Variants in CDHR2 observed in about 807,000 individuals in gnomAD.
CDHR2 encodes the protein cadherin related family member 2, also known as cadherin-related family member 2.
Under a neutral mutation model 138.6 loss-of-function variants are expected in CDHR2, and 104 were observed. That is an observed-to-expected ratio of 0.75 (90% confidence interval 0.64 to 0.88). The LOEUF is 0.88. Among genes scored for constraint, CDHR2 ranks in the 40% least tolerant of loss-of-function variants. The probability of loss-of-function intolerance (pLI) is 0.00; values close to 1 mark genes in which losing one functional copy is unlikely to be tolerated. For missense variants in CDHR2, 1,624 were observed against 1,727.6 expected (o/e 0.94, Z 1.06); for synonymous variants, 755 against 742.8 (o/e 1.02, Z -0.27).
chr5:176,590,272 C>T lies in CDHR2; in HGVS notation c.3295C>T (p.Leu1099Phe). The T allele has an allele frequency of 1.2e-6, 2 of 1,614,188 alleles. No individual in the cohort carries two copies. Among genetic ancestry groups the T allele is most frequent in the Middle Eastern group, 1.6e-4 (1 of 6,062 alleles). Residue 1099 changes from leucine (L) to phenylalanine (F), a missense_variant, in exon 26 of 32, where the codon CTC becomes TTC. Physicochemically the swap from Leu to Phe is conservative, Grantham distance 22. Coordinates refer to ENST00000261944, the MANE Select transcript of CDHR2 (RefSeq NM_017675.6). ...SAARARPHSY[L>F]DAYFVFPNGS... Reference sequence around the variant, plus strand: ...CTCCAGGGCCCGACCTCACTCCTACCTCGATGCCTACTTTGTCTTCCCCAA... The same window carrying T: ...CTCCAGGGCCCGACCTCACTCCTACTTCGATGCCTACTTTGTCTTCCCCAA...
chr5:176,556,023 A>G (rs1757814454), intron 1 of CDHR2, among the ~76,000 whole-genome samples: 1 of 152,118 alleles, frequency 6.6e-6, no homozygotes, highest in Non-Finnish European at 1.5e-5. Flanking sequence ...CAGATTTCTC[A>G]ACCTGCCTCC....
chr5:176,554,326 T>A (rs2113255860), intron 1 of CDHR2, among the ~76,000 whole-genome samples: 1 of 152,280 alleles, frequency 6.6e-6, no homozygotes, highest in East Asian at 1.9e-4. Context: ...GCTGTTTCCA[T>A]GGTGATTGCA....
intron 1 of CDHR2, 166 bp from the exon 2 acceptor site, chr5:176,565,172 C>A: frequency 1.6e-6 from 1 of 607,802 alleles, no homozygotes; most frequent in Non-Finnish European, 3.0e-6. Context: ...CCTTGGTTCC[C>A]CTGACCCTAG....
intron 31 of CDHR2, among the ~76,000 whole-genome samples, chr5:176,593,855 G>T (rs1758948628): frequency 6.6e-6 from 1 of 152,194 alleles, no homozygotes; most frequent in South Asian, 2.1e-4. Context: ...AGGGAATCTG[G>T]CACAGAGGCC....
rs773669894 is a variant in CDHR2, at chr5:176,584,494, G to A, written c.2213G>A (p.Gly738Asp). The change falls in exon 19 of 32, where the codon GGT becomes GAT. Residue 738 changes from glycine to aspartate, a missense_variant. Gly to Asp is a moderately conservative substitution (Grantham distance 94). This residue lies in a region of CDHR2 where 1,061 missense variants were observed against 1,136.6 expected (regional missense o/e 0.93). Transcript: ENST00000261944. ...ATCAGCTTCAGCCTGTCGGGGAGTGGTGCCAACTACTTCATGATCCGAGGC... is the reference window on the plus strand; with the variant it reads ...ATCAGCTTCAGCCTGTCGGGGAGTGATGCCAACTACTTCATGATCCGAGGC... ...NRISFSLSGS[G>D]ANYFMIRGLV... The A allele has an allele frequency of 1.9e-6, 3 of 1,613,318 alleles. No individual in the cohort carries two copies. The highest frequency in any genetic ancestry group is 2.7e-5 in the African/African-American group (2 of 74,922).
chr5:176,578,179 T>C (rs376353374), intron 15 of CDHR2, 84 bp downstream of exon 15: 4 of 1,366,628 alleles, frequency 2.9e-6, no homozygotes, highest in East Asian at 2.4e-5. Context: ...ATAGAATAGC[T>C]GGGGAAGACC....
At chr5:176,550,551 C>T (rs1307978494) in intron 1 of CDHR2, among the ~76,000 whole-genome samples, 2 of 152,244 alleles carry the variant, frequency 1.3e-5, no homozygotes, top group African/African-American at 2.4e-5. Context: ...GCCCCTGGCT[C>T]ACCCATCTCT....
chr5:176,590,398 C>T lies in CDHR2; in HGVS notation c.3354-27C>T, dbSNP rs1256959930. 2.5e-6 allele frequency: 4 copies of T among 1,614,152 alleles called. No individual in the cohort carries two copies. In the South Asian group the frequency reaches 3.3e-5, roughly 13 times the overall value. On this transcript the variant is annotated intron_variant, in intron 26 of 31. Transcript: ENST00000261944. ...AAGCCTGGGGTGTGCCAAGGTCCCT[C>T]GGGCCTAAGTGGAGTTCTGTGGCCA...
upstream of CDHR2, among the ~76,000 whole-genome samples, chr5:176,548,233 T>C (rs1211157126): frequency 2.0e-5 from 3 of 152,368 alleles, no homozygotes; most frequent in East Asian, 1.9e-4. Flanking sequence ...AACACAGATA[T>C]ATGGTGCATG....
Position 176,577,850 on chromosome 5 carries a change from ATG to A in CDHR2, c.1512+57_1512+58del, listed in dbSNP as rs769730765. 7.3e-4 allele frequency: 1,139 copies of A among 1,561,270 alleles called. 2 individuals carry two copies. Among genetic ancestry groups the A allele is most frequent in the Non-Finnish European group, 9.4e-4 (1,085 of 1,154,424 alleles). On this transcript the variant is annotated intron_variant, in intron 14 of 31. Transcript: ENST00000261944. ...GTGGGGTCCCAGCAAGCGGGCGTGC[ATG>A]TGTGAGTGTGAGAGTGTGTGTGTGT...
At chr5:176,578,761 T>G (rs917966216) in intron 16 of CDHR2, among the ~76,000 whole-genome samples, 153 bp downstream of exon 16, 1 of 152,034 alleles carries the variant, frequency 6.6e-6, no homozygotes. Context: ...ATGAAGAAAA[T>G]TATAGCCTTA....
At chr5:176,577,580 G>A (rs756323082) in intron 13 of CDHR2, 26 bp downstream of exon 13, 3 of 1,613,738 alleles carry the variant, frequency 1.9e-6, no homozygotes, top group Non-Finnish European at 2.5e-6. Flanking sequence ...GGGTGCCAGG[G>A]GCAGAAGCCG....
rs961533226 is a variant in CDHR2, at chr5:176,543,530, C to G, written c.-16+761C>G. ...GGGCGGAGCCTCTTTCGGCCGCGCCCGCCCAGCGTCAGTCGGCCAGGGGTG... is the reference window on the plus strand; with the variant it reads ...GGGCGGAGCCTCTTTCGGCCGCGCCGGCCCAGCGTCAGTCGGCCAGGGGTG... On this transcript the variant is annotated intron_variant, in intron 1 of 31. Coordinates refer to the CDHR2 transcript ENST00000510636. This position sits in a 1 kb window ranked among gnomAD's most constrained non-coding sequence, Gnocchi z 4.0. 6.6e-6 allele frequency: 1 copy of G among 152,188 alleles called. No homozygotes were observed. Among genetic ancestry groups the G allele is most frequent in the African/African-American group, 2.4e-5 (1 of 41,454 alleles). 9.4% of individuals were successfully genotyped at this position (152,188 alleles called of 1,614,324 possible).
At position 176,543,428 on chromosome 5, in the gene CDHR2, A is replaced by C. The variant is rs1281435031; in HGVS notation, c.-16+659A>C. On this transcript the variant is annotated intron_variant, in intron 1 of 31. Coordinates refer to the CDHR2 transcript ENST00000510636. This position sits in a 1 kb window ranked among gnomAD's most constrained non-coding sequence, Gnocchi z 4.0. Reference sequence around the variant, plus strand: ...CTCACCACCCGGGCGCGCGGGGCCCACACCGGCTGCGCAGCTTCCAGGACC... The same window carrying C: ...CTCACCACCCGGGCGCGCGGGGCCCCCACCGGCTGCGCAGCTTCCAGGACC... The C allele has an allele frequency of 6.6e-6, 1 of 151,420 alleles. No individual in the cohort carries two copies. Among genetic ancestry groups the C allele is most frequent in the Non-Finnish European group, 1.5e-5 (1 of 67,800 alleles). The allele number at this position is 151,420 out of a possible 1,614,324, so 9.4% of individuals were successfully genotyped here. A position where few individuals can be genotyped will look rare whatever the true frequency, so the allele number is the denominator to read the frequency against.
intron 28 of CDHR2, 80 bp downstream of exon 28, chr5:176,590,767 A>T: frequency 6.3e-7 from 1 of 1,591,378 alleles, no homozygotes; most frequent in Non-Finnish European, 8.6e-7. Flanking sequence ...GGGTAGAAGG[A>T]GCTGGGGCTT....
intron 30 of CDHR2, among the ~76,000 whole-genome samples, chr5:176,592,123 ATGGTGATGG>A (rs1263999240): frequency 8.3e-6 from 1 of 120,826 alleles, no homozygotes; most frequent in Non-Finnish European, 1.7e-5. Context: ...GATGGTAGTG[ATGGTGATGG>A]TGGTGATGAT....
intron 21 of CDHR2, among the ~76,000 whole-genome samples, chr5:176,588,499 G>T (rs916980192): frequency 7.5e-6 from 1 of 133,080 alleles, no homozygotes; most frequent in Non-Finnish European, 1.6e-5. Context: ...GTGTGTGAGG[G>T]TGTGTATGAG....
rs955790141 is a variant in CDHR2 at position 176,553,231 on chromosome 5, C to T, written c.-16+3817C>T. 6.6e-6 allele frequency among the ~76,000 whole-genome samples: 1 copy of T among 152,194 alleles called. No homozygotes were observed. The highest frequency in any genetic ancestry group is 6.5e-5 in the Admixed American group (1 of 15,290). ...AAATCGGGCAGCTCAAGAAGGAAAA[C>T]CCAGGAGCCTAGAAAAGAGAGAAGG... On this transcript the variant is annotated intron_variant, in intron 1 of 31. Transcript: ENST00000261944. This position sits in a 1 kb window ranked among gnomAD's most constrained non-coding sequence, Gnocchi z 4.3.
intron 6 of CDHR2, among the ~76,000 whole-genome samples, chr5:176,573,820 T>G (rs4868656): frequency 0.3 from 45,136 of 151,968 alleles, 8,532 homozygotes; most frequent in Non-Finnish European, 0.42. Flanking sequence ...TCTAGAATGA[T>G]CCCTCATCCT....
Sources: allele counts gnomAD v4.1 joint callset (sites outside exome capture counted in the v4.1 genomes callset), GRCh38; gene constraint gnomAD v4.1.1; regional missense constraint gnomAD v4.1.1; non-coding constraint Gnocchi (gnomAD v3.1); transcripts MANE v1.5; gene names NCBI Gene and HGNC (gene_info 2026-07-23, HGNC 2026-07-21).